The following GFI1 variants were observed in gnomAD, a reference collection of about 807,000 sequenced individuals.
GFI1 encodes zinc finger protein Gfi-1.
GFI1 carries 15 observed loss-of-function variants against 39.2 expected under a neutral mutation model. The observed-to-expected ratio is 0.38, with a 90% CI of 0.26 to 0.59. The LOEUF (loss-of-function observed/expected upper bound fraction) is 0.59, where lower values mean the gene tolerates loss of function less well. GFI1 is among the 20% of genes least tolerant of loss of function. The pLI, the probability that GFI1 is intolerant of heterozygous loss-of-function variation, is 0.62. For synonymous variants in GFI1, 239 were observed against 254.3 expected, an observed-to-expected ratio of 0.94 and a Z score of 0.57; for missense variants, 475 against 574.0, an observed-to-expected ratio of 0.83 and a Z score of 1.76.
In GFI1 at chr1:92,480,314, C is replaced by G. The variant is rs1328580943; in HGVS notation, c.924+34G>C. 2 of 1,541,710 alleles carry G rather than the reference C, an allele frequency of 1.3e-6. No homozygotes were observed. Among genetic ancestry groups the G allele is most frequent in the East Asian group, 2.4e-5 (1 of 40,856 alleles). On this transcript the variant is annotated intron_variant, in intron 5 of 6. Coordinates refer to ENST00000294702, the MANE Select transcript of GFI1 (RefSeq NM_005263.5). This position sits in a 1 kb window ranked among gnomAD's most constrained non-coding sequence, Gnocchi z 5.6. ...CGAGGAGATGCAGAAGATCCCCGAG[C>G]AGGGCCGCGCGCGGCGGTGCGCCCC...
At chr1:92,485,773 TGG>T (rs1448881816) in intron 1 of GFI1, among the ~76,000 whole-genome samples, 2 of 152,208 alleles carry the variant, frequency 1.3e-5, no homozygotes, top group Non-Finnish European at 2.9e-5. Context: ...CTGGTGGATT[TGG>T]CTCCCCTGCC....
chr1:92,485,807 C>T (rs1299628744), intron 1 of GFI1, among the ~76,000 whole-genome samples: 1 of 152,246 alleles, frequency 6.6e-6, no homozygotes, highest in South Asian at 2.1e-4. Context: ...CCGCCTGCTG[C>T]GCGCCCCCAG....
At chr1:92,478,889 GAC>G in intron 5 of GFI1, 136 bp from the exon 6 acceptor site, 1 of 1,176,618 alleles carries the variant, frequency 8.5e-7, no homozygotes, top group Non-Finnish European at 1.2e-6. Context: ...CTTTTTTTGA[GAC>G]AGTCTCCTCT....
intron 2 of GFI1, 118 bp downstream of exon 2, chr1:92,483,255 C>T: frequency 1.3e-6 from 1 of 757,978 alleles, no homozygotes; most frequent in Non-Finnish European, 2.3e-6. Context: ...CAGTAGGAAA[C>T]AAAAACAGCA....
chr1:92,481,131 C>T lies in GFI1; in HGVS notation c.299-43G>A, dbSNP rs757050238. ...GAGCGTCCGGTCAGGCTTCAGACGG[C>T]AGAGCGGAGGCCGCCGGGCTGCGGC... is the stretch of plus-strand genomic sequence containing the variant. On this transcript the variant is annotated intron_variant, in intron 3 of 6. Transcript: ENST00000294702. The surrounding 1 kb of genome is among the most constrained non-coding windows in gnomAD (Gnocchi z 4.3). 9 of 1,555,604 alleles carry T rather than the reference C, an allele frequency of 5.8e-6. No homozygotes were observed. The highest frequency in any genetic ancestry group is 2.6e-6 in the Non-Finnish European group (3 of 1,135,908).
In GFI1 at chr1:92,476,775, T is replaced by C. The variant is rs539908352; in HGVS notation, c.1091-568A>G. ...TTCTTTCTTTATTTCTCTCTCTCTCTCTCTTTCTTTCTAAGTTCCGGGGTA... is the reference window on the plus strand; with the variant it reads ...TTCTTTCTTTATTTCTCTCTCTCTCCCTCTTTCTTTCTAAGTTCCGGGGTA... On this transcript the variant is annotated intron_variant, in intron 6 of 6. Coordinates refer to ENST00000294702, the MANE Select transcript of GFI1 (RefSeq NM_005263.5). Among the ~76,000 whole-genome samples, 33 of 152,308 alleles carry C rather than the reference T, an allele frequency of 2.2e-4. 1 individual carries two copies. In the South Asian group the frequency reaches 4.6e-3, roughly 21 times the overall value.
intron 1 of GFI1, chr1:92,483,982 C>T: frequency 4.2e-6 from 1 of 239,392 alleles, no homozygotes; most frequent in South Asian, 5.2e-5. Context: ...CTGTGCTTTA[C>T]GGCTGGCGAG....
intron 2 of GFI1, 105 bp from the exon 3 acceptor site, chr1:92,483,151 T>A (rs1658359622): frequency 9.1e-7 from 1 of 1,100,088 alleles, no homozygotes; most frequent in East Asian, 2.6e-5. Context: ...CGTCTTCCCC[T>A]CTCCACCCAG....
At chr1:92,477,501 T>A (rs1658027803) in intron 6 of GFI1, among the ~76,000 whole-genome samples, 1 of 152,208 alleles carries the variant, frequency 6.6e-6, no homozygotes, top group South Asian at 2.1e-4. Flanking sequence ...TGCAATAAAA[T>A]TTTCAGAAAT....
Position 92,475,651 on chromosome 1 carries a change from G to C in GFI1, c.*378C>G, listed in dbSNP as rs189400817. The C allele has an allele frequency of 1.1e-3, 333 of 300,732 alleles. 1 individual carries two copies. Among genetic ancestry groups the C allele is most frequent in the African/African-American group, 5.9e-3 (278 of 46,724 alleles). 18.6% of individuals were successfully genotyped at this position (300,732 alleles called of 1,614,324 possible). ...ACAAATATCTGGGGTAGGTCAAGAGGGGGGAGGGAAGAAACCTGAAGGGCA... is the reference window on the plus strand; with the variant it reads ...ACAAATATCTGGGGTAGGTCAAGAGCGGGGAGGGAAGAAACCTGAAGGGCA... On this transcript the variant is annotated 3_prime_UTR_variant, in exon 7 of 7. Transcript: ENST00000294702.
In GFI1 at chr1:92,481,186, G is replaced by C; in HGVS notation, c.299-98C>G. On this transcript the variant is annotated intron_variant, in intron 3 of 6. Coordinates refer to ENST00000294702, the MANE Select transcript of GFI1 (RefSeq NM_005263.5). This position sits in a 1 kb window ranked among gnomAD's most constrained non-coding sequence, Gnocchi z 4.3. ...AGCGTGGCGTGTTCGCGGACTGCGGGGCACCCAGCGCTTGTAGAACACTGC... is the reference window on the plus strand; with the variant it reads ...AGCGTGGCGTGTTCGCGGACTGCGGCGCACCCAGCGCTTGTAGAACACTGC... 9.4e-7 allele frequency: 1 copy of C among 1,066,434 alleles called. No homozygotes were observed. Among genetic ancestry groups the C allele is most frequent in the Non-Finnish European group, 1.4e-6 (1 of 714,964 alleles). The allele number at this position is 1,066,434 out of a possible 1,614,324, so 66.1% of individuals were successfully genotyped here.
In GFI1 at chr1:92,480,235, A is replaced by C; in HGVS notation, c.924+113T>G. 8.3e-7 allele frequency: 1 copy of C among 1,205,068 alleles called. No individual in the cohort carries two copies. Among genetic ancestry groups the C allele is most frequent in the Non-Finnish European group, 1.2e-6 (1 of 849,468 alleles). The allele number at this position is 1,205,068 out of a possible 1,614,324, so 74.6% of individuals were successfully genotyped here. Reference sequence around the variant, plus strand: ...ACGCAGCGGAGGGCTTGGGGGAGGAAACTGGGGGAAGTCGAGGAGAAAACT... The same window carrying C: ...ACGCAGCGGAGGGCTTGGGGGAGGACACTGGGGGAAGTCGAGGAGAAAACT... On this transcript the variant is annotated intron_variant, in intron 5 of 6. Transcript: ENST00000294702. This position sits in a 1 kb window ranked among gnomAD's most constrained non-coding sequence, Gnocchi z 5.6.
chr1:92,483,785 C>T, intron 1 of GFI1, 199 bp from the exon 2 acceptor site: 1 of 448,926 alleles, frequency 2.2e-6, no homozygotes, highest in Non-Finnish European at 4.2e-6. Flanking sequence ...GCCGCCGCCG[C>T]CACTGACACA....
chr1:92,483,506 C>G lies in GFI1; in HGVS notation c.-19G>C. ...GCGGCATGGTGGTCCGGCACTTTCC[C>G]CACTGCGCCCCAAGAGTCCCTGGAG... On this transcript the variant is annotated 5_prime_UTR_variant, in exon 2 of 7. Transcript: ENST00000294702. The G allele has an allele frequency of 1.4e-6, 2 of 1,421,224 alleles. No individual in the cohort carries two copies. Among genetic ancestry groups the G allele is most frequent in the Non-Finnish European group, 2.0e-6 (2 of 1,012,666 alleles). The allele number at this position is 1,421,224 out of a possible 1,614,324, so 88.0% of individuals were successfully genotyped here.
rs1390070329 is a variant in GFI1 at position 92,480,318 on chromosome 1, G to T, written c.924+30C>A. The T allele has an allele frequency of 6.5e-7, 1 of 1,542,460 alleles. No individual in the cohort carries two copies. Among genetic ancestry groups the T allele is most frequent in the African/African-American group, 1.4e-5 (1 of 73,084 alleles). ...GAGATGCAGAAGATCCCCGAGCAGGGCCGCGCGCGGCGGTGCGCCCCGCGC... is the reference window on the plus strand; with the variant it reads ...GAGATGCAGAAGATCCCCGAGCAGGTCCGCGCGCGGCGGTGCGCCCCGCGC... On this transcript the variant is annotated intron_variant, in intron 5 of 6. Coordinates refer to ENST00000294702, the MANE Select transcript of GFI1 (RefSeq NM_005263.5). The surrounding 1 kb of genome is among the most constrained non-coding windows in gnomAD (Gnocchi z 5.6).
intron 1 of GFI1, among the ~76,000 whole-genome samples, chr1:92,485,524 C>G (rs1179542855): frequency 6.6e-6 from 1 of 152,186 alleles, no homozygotes; most frequent in Non-Finnish European, 1.5e-5. Context: ...GCACCCCGGC[C>G]CGCTTTGCTG....
At chr1:92,477,244 G>A (rs556102757) in intron 6 of GFI1, among the ~76,000 whole-genome samples, 3 of 152,264 alleles carry the variant, frequency 2.0e-5, no homozygotes, top group South Asian at 4.1e-4. Flanking sequence ...TAGGTATAAC[G>A]TAAATGTTTG....
At position 92,482,736 on chromosome 1, in the gene GFI1, G is replaced by A. The variant is rs1008194643; in HGVS notation, c.298+128C>T. On this transcript the variant is annotated intron_variant, in intron 3 of 6. Coordinates refer to ENST00000294702, the MANE Select transcript of GFI1 (RefSeq NM_005263.5). This position sits in a 1 kb window ranked among gnomAD's most constrained non-coding sequence, Gnocchi z 4.4. ...GGATGCCTCCTTCCCCTACGAATCAGCTCCCTTCTCCCGGAAAGACTCTCC... is the reference window on the plus strand; with the variant it reads ...GGATGCCTCCTTCCCCTACGAATCAACTCCCTTCTCCCGGAAAGACTCTCC... 3 of 770,598 alleles carry A rather than the reference G, an allele frequency of 3.9e-6. No individual in the cohort carries two copies. Among genetic ancestry groups the A allele is most frequent in the Non-Finnish European group, 4.5e-6 (2 of 444,154 alleles). The allele number at this position is 770,598 out of a possible 1,614,324, so 47.7% of individuals were successfully genotyped here.
At chr1:92,477,690 T>A (rs1004079207) in intron 6 of GFI1, among the ~76,000 whole-genome samples, 1 of 152,366 alleles carries the variant, frequency 6.6e-6, no homozygotes, top group Admixed American at 6.5e-5. Context: ...TTCAGGATGG[T>A]AAGAGCAGCT....
Sources: allele counts gnomAD v4.1 joint callset (sites outside exome capture counted in the v4.1 genomes callset), GRCh38; gene constraint gnomAD v4.1.1; non-coding constraint Gnocchi (gnomAD v3.1); transcripts MANE v1.5; gene names NCBI Gene and HGNC (gene_info 2026-07-23, HGNC 2026-07-21).